SEZ6L2: variants seen among roughly 807,000 people sequenced by gnomAD.
SEZ6L2 encodes the protein seizure 6-like protein 2.
SEZ6L2 carries 44 observed loss-of-function variants against 97.0 expected under a neutral mutation model. That is an observed-to-expected ratio of 0.45 (90% CI 0.36 to 0.58). SEZ6L2 has a LOEUF of 0.58. Ranked by LOEUF, SEZ6L2 falls within the 20% of genes least tolerant of loss-of-function variation. The pLI is 0.00. For missense variants in SEZ6L2, 1,086 were observed against 1,233.3 expected, an observed-to-expected ratio of 0.88 and a Z score of 1.79; for synonymous variants, 543 against 546.1, an observed-to-expected ratio of 0.99 and a Z score of 0.08.
intron 6 of SEZ6L2, 91 bp from the exon 7 acceptor site, chr16:29,887,908 C>T: frequency 1.4e-6 from 2 of 1,422,080 alleles, no homozygotes; most frequent in South Asian, 2.5e-5. Flanking sequence ...CTGTTGCATT[C>T]ACACATTTGG....
intron 10 of SEZ6L2, 46 bp from the exon 11 acceptor site, chr16:29,877,513 C>A: frequency 2.6e-6 from 4 of 1,517,204 alleles, no homozygotes; most frequent in Non-Finnish European, 3.6e-6. Context: ...GCGACTGGCC[C>A]CTCCCATCCA....
intron 8 of SEZ6L2, 112 bp from the exon 9 acceptor site, chr16:29,880,176 T>C (rs2068001189): frequency 1.9e-6 from 2 of 1,025,954 alleles, no homozygotes; most frequent in Non-Finnish European, 2.8e-6. Flanking sequence ...GGGCTTTTTT[T>C]TTTTTTTAAA....
At chr16:29,894,530 C>T (rs2068338258) in intron 5 of SEZ6L2, among the ~76,000 whole-genome samples, 1 of 151,922 alleles carries the variant, frequency 6.6e-6, no homozygotes, top group Admixed American at 6.6e-5. Flanking sequence ...ATTTAGGTCC[C>T]TTGGCTATGT....
chr16:29,899,067 G>T lies in SEZ6L2; in HGVS notation c.-48C>A. 1 of 1,355,116 alleles carries T rather than the reference G, an allele frequency of 7.4e-7. No homozygotes were observed. Among genetic ancestry groups the T allele is most frequent in the Non-Finnish European group, 1.0e-6 (1 of 969,774 alleles). 83.9% of individuals were successfully genotyped at this position (1,355,116 alleles called of 1,614,324 possible). A position where few individuals can be genotyped will look rare whatever the true frequency, so the allele number is the denominator to read the frequency against. ...CCTCTGTGCCTCTCTAAGTAATCTG[G>T]CTGCCACCTTTCCTCCGTCTCCGTT... On this transcript the variant is annotated 5_prime_UTR_variant, in exon 1 of 18. Coordinates refer to ENST00000617533, the MANE Select transcript of SEZ6L2 (RefSeq NM_001243332.2).
Position 29,899,091 on chromosome 16 carries a change from T to G in SEZ6L2, c.-72A>C. 9.6e-7 allele frequency: 1 copy of G among 1,038,164 alleles called. No homozygotes were observed. The highest frequency in any genetic ancestry group is 1.4e-6 in the Non-Finnish European group (1 of 707,934). The allele number at this position is 1,038,164 out of a possible 1,614,324, so 64.3% of individuals were successfully genotyped here. The stretch of plus-strand genomic sequence containing the variant: ...GGCTGCCACCTTTCCTCCGTCTCCG[T>G]TTATCTTTCCCTTTAATTGTTTTTT... On this transcript the variant is annotated 5_prime_UTR_variant, in exon 1 of 18. Transcript: ENST00000617533.
chr16:29,878,663 C>CAAGCTCTGCCTCCCTG lies in SEZ6L2; in HGVS notation c.1574-254_1574-239dup, dbSNP rs1010733614. Reference sequence around the variant, plus strand: ...GCAGTGGTGCGATCTTGGTTCACTGCAAGCTCTGCCTCCCTGGTTCACGCC... The same window carrying CAAGCTCTGCCTCCCTG: ...GCAGTGGTGCGATCTTGGTTCACTGCAAGCTCTGCCTCCCTGAAGCTCTGCCTCCCTGGTTCACGCC... On this transcript the variant is annotated intron_variant, in intron 9 of 17. Transcript: ENST00000617533. 2.0e-5 allele frequency among the ~76,000 whole-genome samples: 3 copies of CAAGCTCTGCCTCCCTG among 151,598 alleles called. 1 individual carries two copies. The highest frequency in any genetic ancestry group is 2.0e-4 in the Admixed American group (3 of 15,212).
rs1567419674 is a variant in SEZ6L2 at position 29,885,712 on chromosome 16, CG to C, written c.1245del (p.Val416Ter). The C allele has an allele frequency of 6.2e-7, 1 of 1,613,590 alleles. No individual in the cohort carries two copies. Among genetic ancestry groups the C allele is most frequent in the Non-Finnish European group, 8.5e-7 (1 of 1,179,798 alleles). On this transcript the variant is annotated frameshift_variant, in exon 8 of 18. Transcript: ENST00000617533. LOFTEE classifies it high-confidence loss of function. ...MVRSGGSPLSPVIYDSDMDDV... is the reference protein window; with the variant it reads ...MVRSGGSPLSXVIYDSDMDDV... ...TCGTCCATGTCCGAATCATAGATCA[CG>C]GGGGATAGGGGGCTGCCCCCTGAGC...
rs141998181 is a variant in SEZ6L2, at chr16:29,895,399, G to C, written c.713C>G (p.Pro238Arg). 3 of 1,613,960 alleles carry C rather than the reference G, an allele frequency of 1.9e-6. No individual in the cohort carries two copies. Among genetic ancestry groups the C allele is most frequent in the African/African-American group, 2.7e-5 (2 of 74,902 alleles). Residue 238 changes from proline to arginine, a missense_variant, in exon 5 of 18, where the codon CCA becomes CGA. Transcript: ENST00000617533. ...GGCCAGGAGTCGGGGGGCCAGGCCT[G>C]GGGATCCCCCACCAGCCAGCACCAG... is the stretch of plus-strand genomic sequence containing the variant. ...ELLVLAGGGS[P>R]GLAPRLLANS...
chr16:29,876,209 G>C lies in SEZ6L2; in HGVS notation c.2104+547C>G, dbSNP rs1446461067. On this transcript the variant is annotated intron_variant, in intron 12 of 17. Transcript: ENST00000617533. This position sits in a 1 kb window ranked among gnomAD's most constrained non-coding sequence, Gnocchi z 6.5. The stretch of plus-strand genomic sequence containing the variant: ...ACTGCGAGCTCCATAAGAGTATGGA[G>C]GGGCTTGAACCCCCTTCGCCTAACC... Among the ~76,000 whole-genome samples the C allele has an allele frequency of 2.0e-5, 3 of 152,176 alleles. No homozygotes were observed. Among genetic ancestry groups the C allele is most frequent in the Non-Finnish European group, 4.4e-5 (3 of 68,036 alleles).
intron 5 of SEZ6L2, 90 bp from the exon 6 acceptor site, chr16:29,888,815 G>T: frequency 8.3e-7 from 1 of 1,206,008 alleles, no homozygotes; most frequent in Non-Finnish European, 1.1e-6. Context: ...TCTCCTTTCA[G>T]GCCAACCTTC....
chr16:29,877,593 A>C (rs1439300129), intron 10 of SEZ6L2, 126 bp from the exon 11 acceptor site: 1 of 893,142 alleles, frequency 1.1e-6, no homozygotes, highest in Non-Finnish European at 1.6e-6. Flanking sequence ...ATATTCTCCT[A>C]TCCCAGGTCT....
At chr16:29,877,189 C>T in intron 11 of SEZ6L2, 82 bp downstream of exon 11, 1 of 1,400,418 alleles carries the variant, frequency 7.1e-7, no homozygotes, top group Non-Finnish European at 9.5e-7. Context: ...GGATAACAGG[C>T]GTGAGCCACC....
chr16:29,877,182 T>G, intron 11 of SEZ6L2, 89 bp downstream of exon 11: 21 of 1,380,274 alleles, frequency 1.5e-5, no homozygotes, highest in Non-Finnish European at 2.0e-5. Context: ...GGCCCCGGGA[T>G]AACAGGCGTG....
rs947835130 is a variant in SEZ6L2, at chr16:29,876,551, G to A, written c.2104+205C>T. 1.3e-5 allele frequency among the ~76,000 whole-genome samples: 2 copies of A among 151,982 alleles called. No individual in the cohort carries two copies. The highest frequency in any genetic ancestry group is 2.9e-5 in the Non-Finnish European group (2 of 68,016). On this transcript the variant is annotated intron_variant, in intron 12 of 17. Coordinates refer to ENST00000617533, the MANE Select transcript of SEZ6L2 (RefSeq NM_001243332.2). The surrounding 1 kb of genome is among the most constrained non-coding windows in gnomAD (Gnocchi z 6.5). ...GGGATGCAGCCCGGAGAAGATGAGA[G>A]GGAGACCCAGAGGGGACAGTTTCGG...
At chr16:29,886,014 G>A in intron 7 of SEZ6L2, 1 of 309,004 alleles carries the variant, frequency 3.2e-6, no homozygotes, top group Non-Finnish European at 5.9e-6. Flanking sequence ...AGAGCAAGTA[G>A]TGGCAGGGCT....
intron 8 of SEZ6L2, among the ~76,000 whole-genome samples, chr16:29,880,402 C>T (rs982033277): frequency 4.0e-5 from 6 of 151,442 alleles, no homozygotes; most frequent in African/African-American, 9.7e-5. Context: ...CTTGGCTCAC[C>T]GCAACCTCCG....
chr16:29,897,705 T>C, intron 2 of SEZ6L2, 148 bp downstream of exon 2: 2 of 978,396 alleles, frequency 2.0e-6, no homozygotes. Context: ...GACAGTCTCG[T>C]TCTGTGTTCC....
In SEZ6L2 at chr16:29,896,835, C is replaced by T. The variant is rs759869294; in HGVS notation, c.498G>A (p.Thr166=). The change falls in exon 3 of 18, where the codon ACG becomes ACA. Residue 166 remains threonine, a synonymous_variant. Transcript: ENST00000617533. ...TIITTTTVTT[T]VTSPVLCNNN... is the part of the protein sequence containing the mutation. ...CTGTCGCCTCACCTGGGCTGGTCAC[C>T]GTAGTGGTAACAGTTGTCGTGGTGA... is the stretch of plus-strand genomic sequence containing the variant. 4 of 1,613,826 alleles carry T rather than the reference C, an allele frequency of 2.5e-6. No individual in the cohort carries two copies. Among genetic ancestry groups the T allele is most frequent in the Non-Finnish European group, 8.5e-7 (1 of 1,179,912 alleles).
chr16:29,899,087 T>A lies in SEZ6L2; in HGVS notation c.-68A>T. ...ATCTGGCTGCCACCTTTCCTCCGTC[T>A]CCGTTTATCTTTCCCTTTAATTGTT... On this transcript the variant is annotated 5_prime_UTR_variant, in exon 1 of 18. Transcript: ENST00000617533. The A allele has an allele frequency of 5.7e-6, 5 of 872,970 alleles. No individual in the cohort carries two copies. The highest frequency in any genetic ancestry group is 1.5e-5 in the South Asian group (1 of 66,874). The allele number at this position is 872,970 out of a possible 1,614,324, so 54.1% of individuals were successfully genotyped here. A position where few individuals can be genotyped will look rare whatever the true frequency, so the allele number is the denominator to read the frequency against.
Sources: gnomAD v4.1 joint callset for allele counts (sites outside exome capture counted in the v4.1 genomes callset) on GRCh38, gnomAD v4.1.1 for gene constraint, Gnocchi (gnomAD v3.1) non-coding constraint, MANE v1.5 for transcripts, NCBI Gene and HGNC (gene_info 2026-07-23, HGNC 2026-07-21) for gene names.